Variants in ASB5 observed in about 807,000 individuals in gnomAD.
ASB5 encodes the protein ankyrin repeat and SOCS box containing 5, also known as ankyrin repeat and SOCS box protein 5.
In ASB5, 45 loss-of-function variants were observed where a neutral mutation model predicts 42.1. The observed-to-expected ratio is 1.07, with a 90% CI of 0.84 to 1.37. The LOEUF (loss-of-function observed/expected upper bound fraction) is 1.37, where lower values mean the gene tolerates loss of function less well. Ranked by LOEUF, ASB5 falls within the 40% of genes most tolerant of loss-of-function variation. The pLI is 0.00. For missense variants in ASB5, 402 were observed against 399.8 expected (o/e 1.01, Z -0.05); for synonymous variants, 147 against 150.6 (o/e 0.98, Z 0.18).
At position 176,269,142 on chromosome 4, in the gene ASB5, G is replaced by A. The variant is rs373692276; in HGVS notation, c.-34C>T. On this transcript the variant is annotated 5_prime_UTR_variant, in exon 1 of 7. Transcript: ENST00000296525. ...AAGAATCTGCGGCGGTCTTTAGTTG[G>A]ATCCAAGTCTCAAATGTGCCTGGCT... 1.0e-5 allele frequency: 16 copies of A among 1,584,118 alleles called. No individual in the cohort carries two copies. The highest frequency in any genetic ancestry group is 1.2e-5 in the Non-Finnish European group (14 of 1,161,942).
Position 176,215,532 on chromosome 4 carries a change from T to A in ASB5, c.*68A>T. Reference sequence around the variant, plus strand: ...ATCCTATCTTTAGCATATTTTTATATGAACTATTCCTTAAGCAAAAGAAAT... The same window carrying A: ...ATCCTATCTTTAGCATATTTTTATAAGAACTATTCCTTAAGCAAAAGAAAT... On this transcript the variant is annotated 3_prime_UTR_variant, in exon 7 of 7. Transcript: ENST00000296525. 1 of 1,484,372 alleles carries A rather than the reference T, an allele frequency of 6.7e-7. No homozygotes were observed. The highest frequency in any genetic ancestry group is 9.2e-7 in the Non-Finnish European group (1 of 1,087,416). The allele number at this position is 1,484,372 out of a possible 1,614,324, so 92.0% of individuals were successfully genotyped here. A position where few individuals can be genotyped will look rare whatever the true frequency, so the allele number is the denominator to read the frequency against.
upstream of ASB5, among the ~76,000 whole-genome samples, chr4:176,270,239 G>A (rs889522235): frequency 3.9e-5 from 6 of 152,178 alleles, no homozygotes; most frequent in Admixed American, 2.0e-4. Context: ...TTTGGGGCCT[G>A]TTGATTGTGG....
intron 1 of ASB5, among the ~76,000 whole-genome samples, chr4:176,231,772 G>A (rs72706394): frequency 0.21 from 31,703 of 151,744 alleles, 3,713 homozygotes; most frequent in Non-Finnish European, 0.25. Flanking sequence ...GCTAGAGCCC[G>A]AGTTTGAGGC....
chr4:176,216,984 A>G lies in ASB5; in HGVS notation c.696T>C (p.Tyr232=). 6.2e-7 allele frequency: 1 copy of G among 1,609,630 alleles called. No individual in the cohort carries two copies. The highest frequency in any genetic ancestry group is 8.5e-7 in the Non-Finnish European group (1 of 1,178,654). Residue 232 remains tyrosine, a synonymous_variant, in exon 6 of 7, where the codon TAT becomes TAC. Transcript: ENST00000296525. Reference sequence around the variant, plus strand: ...CAGCAGCATGTAATGGAGTATCCCAATATTTGCCTTTCTGTACGTCAGCAC... The same window carrying G: ...CAGCAGCATGTAATGGAGTATCCCAGTATTTGCCTTTCTGTACGTCAGCAC... ...YAGADVQKGK[Y]WDTPLHAAAQ... is the part of the protein sequence containing the mutation.
At chr4:176,217,548 T>C (rs536402929) in intron 5 of ASB5, among the ~76,000 whole-genome samples, 9 of 152,258 alleles carry the variant, frequency 5.9e-5, no homozygotes, top group Admixed American at 2.0e-4. Flanking sequence ...TTCTCACTTA[T>C]GTAGTTTAAG....
intron 1 of ASB5, among the ~76,000 whole-genome samples, chr4:176,238,924 G>A (rs1274009728): frequency 1.3e-5 from 2 of 152,166 alleles, no homozygotes; most frequent in Middle Eastern, 3.2e-3. Context: ...GACCTGGAGC[G>A]AGTAGCTTAA....
upstream of ASB5, chr4:176,269,366 C>T (rs1754427148): frequency 3.0e-6 from 1 of 330,008 alleles, no homozygotes. Context: ...AATGACACTC[C>T]ACCTCTGTGC....
At chr4:176,260,174 T>C (rs1011821483) in intron 1 of ASB5, among the ~76,000 whole-genome samples, 1 of 152,222 alleles carries the variant, frequency 6.6e-6, no homozygotes, top group Non-Finnish European at 1.5e-5. Context: ...GCCCAACTTA[T>C]GAAGATTTAT....
upstream of ASB5, among the ~76,000 whole-genome samples, chr4:176,270,249 G>GTT (rs1754443289): frequency 3.3e-5 from 5 of 152,216 alleles, no homozygotes; most frequent in South Asian, 8.3e-4. Context: ...GTTGATTGTG[G>GTT]TACTTGCTTC....
chr4:176,267,289 T>G (rs1055637708), intron 1 of ASB5, among the ~76,000 whole-genome samples: 2 of 152,222 alleles, frequency 1.3e-5, no homozygotes, highest in African/African-American at 4.8e-5. Flanking sequence ...CCAACTAAAT[T>G]TTTTATGTAC....
At chr4:176,229,061 T>C (rs1579316977) in intron 1 of ASB5, among the ~76,000 whole-genome samples, 1 of 152,212 alleles carries the variant, frequency 6.6e-6, no homozygotes, top group East Asian at 1.9e-4. Context: ...AATAAATTAA[T>C]AAAAATTTTA....
intron 5 of ASB5, among the ~76,000 whole-genome samples, chr4:176,219,883 GA>G (rs1220478297): frequency 6.6e-6 from 1 of 151,712 alleles, no homozygotes; most frequent in Non-Finnish European, 1.5e-5. Context: ...ATGTTTGGTG[GA>G]AAGAATAATA....
chr4:176,265,244 T>C lies in ASB5; in HGVS notation c.196+3669A>G, dbSNP rs145519782. The stretch of plus-strand genomic sequence containing the variant: ...CTCCACTCCAGCCAAATCTACTGAC[T>C]CCCAACAGTCCATGTGCACCCATAA... On this transcript the variant is annotated intron_variant, in intron 1 of 6. Transcript: ENST00000296525. Among the ~76,000 whole-genome samples, 426 of 152,232 alleles carry C rather than the reference T, an allele frequency of 2.8e-3. 1 individual carries two copies. The highest frequency in any genetic ancestry group is 9.3e-3 in the African/African-American group (388 of 41,550).
chr4:176,255,725 G>A (rs1754142319), intron 1 of ASB5, among the ~76,000 whole-genome samples: 1 of 152,208 alleles, frequency 6.6e-6, no homozygotes, highest in Admixed American at 6.5e-5. Flanking sequence ...AGGCAGAGAT[G>A]TGGGTACGGG....
chr4:176,241,500 T>C, intron 1 of ASB5: 1 of 1,535,656 alleles, frequency 6.5e-7, no homozygotes, highest in African/African-American at 1.4e-5. Context: ...AAGAGGCATC[T>C]GGAAGGGGCC....
At position 176,217,108 on chromosome 4, in the gene ASB5, T is replaced by A. The variant is rs1234883166; in HGVS notation, c.671-99A>T. 5 of 957,134 alleles carry A rather than the reference T, an allele frequency of 5.2e-6. No individual in the cohort carries two copies. In the African/African-American group the frequency reaches 6.6e-5, roughly 13 times the overall value. The allele number at this position is 957,134 out of a possible 1,614,324, so 59.3% of individuals were successfully genotyped here. A position where few individuals can be genotyped will look rare whatever the true frequency, so the allele number is the denominator to read the frequency against. ...AAAAGGAAAGGCAATAGAGGAAGGT[T>A]ATTAAGGGGACTTCAACTCTATTTG... is the stretch of plus-strand genomic sequence containing the variant. On this transcript the variant is annotated intron_variant, in intron 5 of 6. Coordinates refer to ENST00000296525, the MANE Select transcript of ASB5 (RefSeq NM_080874.4).
intron 1 of ASB5, among the ~76,000 whole-genome samples, chr4:176,266,684 A>G (rs547284280): frequency 4.1e-4 from 63 of 152,244 alleles, no homozygotes; most frequent in Middle Eastern, 6.8e-3. Flanking sequence ...CTATTGTTTC[A>G]TATACAGATT....
At chr4:176,250,416 C>T (rs961470613) in intron 1 of ASB5, among the ~76,000 whole-genome samples, 1 of 152,148 alleles carries the variant, frequency 6.6e-6, no homozygotes, top group Non-Finnish European at 1.5e-5. Flanking sequence ...TCAAAGAGCC[C>T]GAGGAGTTCA....
chr4:176,241,940 C>T (rs181595010), intron 1 of ASB5, among the ~76,000 whole-genome samples: 2 of 152,178 alleles, frequency 1.3e-5, no homozygotes, highest in East Asian at 3.9e-4. Flanking sequence ...ACGTAGATGA[C>T]CTAAGGAGAA....
Sources: allele counts gnomAD v4.1 joint callset (sites outside exome capture counted in the v4.1 genomes callset), GRCh38; gene constraint gnomAD v4.1.1; transcripts MANE v1.5; gene names NCBI Gene and HGNC (gene_info 2026-07-23, HGNC 2026-07-21).